The following SLC6A5 variants were observed in gnomAD, a reference collection of about 807,000 sequenced individuals.
The protein encoded by SLC6A5 is solute carrier family 6 member 5.
In SLC6A5, 58 loss-of-function variants were observed where a neutral mutation model predicts 90.5. The observed-to-expected ratio is 0.64, with a 90% CI of 0.52 to 0.80. The LOEUF (loss-of-function observed/expected upper bound fraction) is 0.80. Among genes scored for constraint, SLC6A5 ranks in the 30% least tolerant of loss-of-function variants. SLC6A5 has a pLI of 0.00. For missense variants in SLC6A5, 1,015 were observed against 1,017.6 expected, an observed-to-expected ratio of 1.00 and a Z score of 0.03; for synonymous variants, 427 against 401.4, an observed-to-expected ratio of 1.06 and a Z score of -0.76.
chr11:20,652,294 C>T lies in SLC6A5; in HGVS notation c.2076C>T (p.Ile692=). ...AFVTPTILTF[I]LCFSFYQWEP... ...TGTCACTTTTCTCTTTCCAGTTTATCCTTTGCTTCAGCTTTTACCAGTGGG... is the reference window on the plus strand; with the variant it reads ...TGTCACTTTTCTCTTTCCAGTTTATTCTTTGCTTCAGCTTTTACCAGTGGG... Residue 692 remains isoleucine, a synonymous_variant, in exon 15 of 16, where the codon ATC becomes ATT. Transcript: ENST00000525748. The T allele has an allele frequency of 6.2e-7, 1 of 1,614,186 alleles. No homozygotes were observed. Among genetic ancestry groups the T allele is most frequent in the Non-Finnish European group, 8.5e-7 (1 of 1,180,024 alleles).
intron 5 of SLC6A5, among the ~76,000 whole-genome samples, chr11:20,613,909 T>C (rs1286403825): frequency 1.3e-5 from 2 of 152,110 alleles, no homozygotes; most frequent in Admixed American, 6.6e-5. Context: ...CTCTACTTAT[T>C]AGACACCAGT....
At chr11:20,647,519 A>G (rs896931595) in intron 14 of SLC6A5, among the ~76,000 whole-genome samples, 6 of 148,588 alleles carry the variant, frequency 4.0e-5, no homozygotes, top group African/African-American at 9.9e-5. Context: ...AACATTTCCT[A>G]TGGCACATTT....
intron 5 of SLC6A5, among the ~76,000 whole-genome samples, chr11:20,612,048 T>A (rs1307609491): frequency 6.6e-6 from 1 of 152,228 alleles, no homozygotes; most frequent in Non-Finnish European, 1.5e-5. Context: ...TGACCCCAAA[T>A]GCCATTAGTA....
chr11:20,637,350 G>C, intron 12 of SLC6A5, 47 bp downstream of exon 12: 1 of 1,543,602 alleles, frequency 6.5e-7, no homozygotes, highest in Non-Finnish European at 9.0e-7. Flanking sequence ...CAGGAGGGTG[G>C]GGGGCCAATA....
intron 7 of SLC6A5, among the ~76,000 whole-genome samples, chr11:20,619,095 A>T (rs1852841454): frequency 1.3e-5 from 2 of 152,314 alleles, no homozygotes; most frequent in South Asian, 4.1e-4. Context: ...TTAAGGCTCA[A>T]GGAATGAGGA....
rs1471209562 is a variant in SLC6A5, at chr11:20,601,251, G to A, written c.126G>A (p.Ala42=). The A allele has an allele frequency of 2.5e-6, 4 of 1,583,838 alleles. No homozygotes were observed. Among genetic ancestry groups the A allele is most frequent in the Admixed American group, 1.7e-5 (1 of 57,892 alleles). The change falls in exon 2 of 16, where the codon GCG becomes GCA. Residue 42 remains alanine (A), a synonymous_variant. Transcript: ENST00000525748. ...CGAGCCCGGAGCAGGAGCTTCCCGC[G>A]GCTGCCGCCCCGCCGCCGCCACGTG... is the stretch of plus-strand genomic sequence containing the variant. ...PRTSPEQELP[A]AAAPPPPRVP...
chr11:20,646,600 T>A (rs555655691), intron 13 of SLC6A5, among the ~76,000 whole-genome samples: 20 of 152,334 alleles, frequency 1.3e-4, no homozygotes, highest in African/African-American at 4.6e-4. Context: ...TGACATTTTT[T>A]AATCTCACCA....
chr11:20,599,762 T>C (rs1017206214), intron 1 of SLC6A5, 87 bp downstream of exon 1: 39 of 1,485,766 alleles, frequency 2.6e-5, no homozygotes, highest in Non-Finnish European at 3.6e-5. Flanking sequence ...CTTTTGGAGA[T>C]GTCTGTGCAT....
chr11:20,607,025 A>G lies in SLC6A5; in HGVS notation c.698A>G (p.Tyr233Cys). The G allele has an allele frequency of 6.2e-7, 1 of 1,613,772 alleles. No homozygotes were observed. The highest frequency in any genetic ancestry group is 8.5e-7 in the Non-Finnish European group (1 of 1,179,940). The change falls in exon 4 of 16, where the codon TAC becomes TGC. Residue 233 changes from tyrosine to cysteine, a missense_variant. Tyr to Cys is a radical substitution (Grantham distance 194). Around this residue, in one of 3 missense-constraint regions of SLC6A5, gnomAD observed 567 missense variants for 507.3 expected, o/e 1.12. Coordinates refer to ENST00000525748, the MANE Select transcript of SLC6A5 (RefSeq NM_004211.5). ...QNGGGAFLIP[Y>C]LMMLALAGLP... ...TTCCAAGGTGCTTTCCTCATCCCTTACCTGATGATGCTGGCTCTGGCTGGA... is the reference window on the plus strand; with the variant it reads ...TTCCAAGGTGCTTTCCTCATCCCTTGCCTGATGATGCTGGCTCTGGCTGGA...
rs564799959 is a variant in SLC6A5, at chr11:20,643,864, A to G, written c.1970-2970A>G. On this transcript the variant is annotated intron_variant, in intron 13 of 15. Coordinates refer to ENST00000525748, the MANE Select transcript of SLC6A5 (RefSeq NM_004211.5). ...TGTCAGGGGTCTGGAGACTCGCTGT[A>G]CATGAGGGGTGGCTGACATTCTCAG... Among the ~76,000 whole-genome samples, 15 of 152,308 alleles carry G rather than the reference A, an allele frequency of 9.8e-5. No homozygotes were observed. The South Asian group carries it at 3.1e-3, about 32-fold the overall frequency.
At position 20,628,234 on chromosome 11, in the gene SLC6A5, G is replaced by A. The variant is rs1039527990; in HGVS notation, c.1499+151G>A. On this transcript the variant is annotated intron_variant, in intron 9 of 15. Transcript: ENST00000525748. ...GGCCTAGGAGAAACCACCTGCTAAG[G>A]CCTAGGCACTATCTTCTGAAGGCCT... 5 of 707,926 alleles carry A rather than the reference G, an allele frequency of 7.1e-6. No homozygotes were observed. The African/African-American group carries it at 8.8e-5, about 12-fold the overall frequency. 43.9% of individuals were successfully genotyped at this position (707,926 alleles called of 1,614,324 possible).
Position 20,638,495 on chromosome 11 carries a change from G to T in SLC6A5, c.1906G>T (p.Ala636Ser). The T allele has an allele frequency of 6.2e-7, 1 of 1,613,506 alleles. No individual in the cohort carries two copies. The highest frequency in any genetic ancestry group is 8.5e-7 in the Non-Finnish European group (1 of 1,179,470). The change falls in exon 13 of 16, where the codon GCT (alanine) becomes TCT (serine). Residue 636 changes from alanine to serine, a missense_variant. Transcript: ENST00000525748. ...IYMFQLVDTYAASYALVIIAI... is the reference protein window; with the variant it reads ...IYMFQLVDTYSASYALVIIAI... ...CATGTTTCAGCTTGTGGACACCTATGCTGCCTCCTATGCCCTTGTCATCAT... is the reference window on the plus strand; with the variant it reads ...CATGTTTCAGCTTGTGGACACCTATTCTGCCTCCTATGCCCTTGTCATCAT...
intron 10 of SLC6A5, 122 bp downstream of exon 10, chr11:20,630,937 G>A (rs572316917): frequency 8.8e-7 from 1 of 1,137,004 alleles, no homozygotes; most frequent in Non-Finnish European, 1.3e-6. Context: ...GAGGAGCCCA[G>A]GTCCTTCTTT....
chr11:20,609,252 A>G (rs912450016), intron 5 of SLC6A5, among the ~76,000 whole-genome samples: 2 of 151,400 alleles, frequency 1.3e-5, no homozygotes, highest in African/African-American at 2.4e-5. Context: ...AGCAGATCCT[A>G]TCTCATTCTT....
intron 13 of SLC6A5, among the ~76,000 whole-genome samples, chr11:20,645,945 GT>G (rs1853407645): frequency 6.6e-6 from 1 of 152,108 alleles, no homozygotes; most frequent in South Asian, 2.1e-4. Context: ...AGAATGATGA[GT>G]TTTTAAGCTG....
chr11:20,650,729 C>G (rs938129240), intron 14 of SLC6A5, among the ~76,000 whole-genome samples: 194 of 138,150 alleles, frequency 1.4e-3, no homozygotes, highest in African/African-American at 5.1e-3. Flanking sequence ...TGCAGTGGCG[C>G]GATCTCGGCT....
intron 13 of SLC6A5, among the ~76,000 whole-genome samples, chr11:20,641,708 G>A (rs1168824964): frequency 1.3e-5 from 2 of 152,126 alleles, no homozygotes; most frequent in Admixed American, 6.5e-5. Flanking sequence ...AGAGGCTTTA[G>A]CTCATTAATA....
rs1852475099 is a variant in SLC6A5, at chr11:20,601,456, AG to A, written c.332del (p.Ser111ThrfsTer24). 1 of 1,609,630 alleles carries A rather than the reference AG, an allele frequency of 6.2e-7. No individual in the cohort carries two copies. ...CGCGCAGGCCTCGCCCCCTCCCGGG[AG>A]CTCCGGGCCCGGCAACGCGCTGCAC... is the stretch of plus-strand genomic sequence containing the variant. ...QGAQASPPPGSSGPGNALHCK... is the reference protein window; with the variant it reads ...QGAQASPPPGXSGPGNALHCK... On this transcript the variant is annotated frameshift_variant, in exon 2 of 16. Transcript: ENST00000525748. LOFTEE classifies it high-confidence loss of function.
At chr11:20,623,681 G>C (rs1364495598) in intron 7 of SLC6A5, among the ~76,000 whole-genome samples, 2 of 151,908 alleles carry the variant, frequency 1.3e-5, no homozygotes, top group African/African-American at 4.8e-5. Flanking sequence ...CCACCTTGCC[G>C]ATCTCTCCCA....
Sources: allele counts gnomAD v4.1 joint callset (sites outside exome capture counted in the v4.1 genomes callset), GRCh38; gene constraint gnomAD v4.1.1; regional missense constraint gnomAD v4.1.1; transcripts MANE v1.5; gene names NCBI Gene and HGNC (gene_info 2026-07-23, HGNC 2026-07-21).